DOK5: variants seen among roughly 807,000 people sequenced by gnomAD.
DOK5 encodes downstream of tyrosine kinase 5.
In DOK5, 27 loss-of-function variants were observed where a neutral mutation model predicts 43.3. The ratio of observed to expected loss-of-function variants is 0.62; its 90% CI spans 0.46 to 0.86. The LOEUF (loss-of-function observed/expected upper bound fraction) is 0.86, where lower values mean the gene tolerates loss of function less well. DOK5 is among the 40% of genes least tolerant of loss of function. DOK5 has a pLI of 0.00. For synonymous variants in DOK5, 146 were observed against 140.1 expected (o/e 1.04, Z -0.30); for missense variants, 373 against 392.9 (o/e 0.95, Z 0.43).
intron 1 of DOK5, among the ~76,000 whole-genome samples, chr20:54,514,989 T>C (rs1347485453): frequency 1.3e-5 from 2 of 152,010 alleles, no homozygotes; most frequent in African/African-American, 4.8e-5. Context: ...GGACCTAACT[T>C]CAGGCTCTGA....
intron 2 of DOK5, among the ~76,000 whole-genome samples, chr20:54,568,887 A>T (rs1164619505): frequency 6.6e-6 from 1 of 151,310 alleles, no homozygotes; most frequent in Non-Finnish European, 1.5e-5. Context: ...AGCCGAGTTC[A>T]CGCCACTGCA....
At chr20:54,573,168 G>T (rs1192016684) in intron 2 of DOK5, among the ~76,000 whole-genome samples, 1 of 152,144 alleles carries the variant, frequency 6.6e-6, no homozygotes, top group Non-Finnish European at 1.5e-5. Flanking sequence ...GCAGTTTTAA[G>T]CAGAATAATC....
At position 54,542,107 on chromosome 20, in the gene DOK5, C is replaced by CACACACACAG. The variant is rs1568774860; in HGVS notation, c.67-12817_67-12816insGACACACACA. On this transcript the variant is annotated intron_variant, in intron 1 of 7. Transcript: ENST00000262593. ...TGAGACATATTATAAGATACACACA[C>CACACACACAG]ACACACACACACACACACACACACA... Among the ~76,000 whole-genome samples the CACACACACAG allele has an allele frequency of 5.0e-3, 536 of 108,060 alleles. 6 individuals are homozygous for CACACACACAG. Among genetic ancestry groups the CACACACACAG allele is most frequent in the African/African-American group, 0.037 (515 of 13,952 alleles). 70.9% of individuals were successfully genotyped at this position (108,060 alleles called of 152,430 possible).
At chr20:54,646,256 T>TTG (rs1979419161) in intron 7 of DOK5, among the ~76,000 whole-genome samples, 1 of 137,312 alleles carries the variant, frequency 7.3e-6, no homozygotes, top group East Asian at 2.1e-4. Context: ...CTGTTTTTTT[T>TTG]TTTTTTTTTT....
chr20:54,568,304 T>C (rs1001166780), intron 2 of DOK5, among the ~76,000 whole-genome samples: 4 of 152,242 alleles, frequency 2.6e-5, no homozygotes, highest in Admixed American at 1.3e-4. Context: ...CTTAATAGCG[T>C]ATACCTCTAA....
chr20:54,636,910 G>A (rs746522775), intron 6 of DOK5, among the ~76,000 whole-genome samples: 1 of 152,162 alleles, frequency 6.6e-6, no homozygotes, highest in Admixed American at 6.5e-5. Context: ...AGGACTTTTG[G>A]GGGGGACAAA....
intron 2 of DOK5, among the ~76,000 whole-genome samples, chr20:54,580,390 T>C (rs1002041038): frequency 2.0e-5 from 3 of 152,280 alleles, no homozygotes; most frequent in Non-Finnish European, 2.9e-5. Flanking sequence ...AATCATATAG[T>C]AGTTCTGTTT....
At chr20:54,511,103 C>A (rs1279695409) in intron 1 of DOK5, among the ~76,000 whole-genome samples, 1 of 152,194 alleles carries the variant, frequency 6.6e-6, no homozygotes, top group East Asian at 1.9e-4. Context: ...TAGGTAGCAT[C>A]ACTTTGGAGA....
chr20:54,621,197 G>T (rs1429394472), intron 6 of DOK5, among the ~76,000 whole-genome samples: 1 of 152,224 alleles, frequency 6.6e-6, no homozygotes, highest in African/African-American at 2.4e-5. Context: ...TACCCTTTGG[G>T]AGCAAGACTA....
chr20:54,565,638 T>C (rs1985068132), intron 2 of DOK5, among the ~76,000 whole-genome samples: 2 of 152,192 alleles, frequency 1.3e-5, no homozygotes, highest in Admixed American at 1.3e-4. Context: ...TCTACATGTA[T>C]ATTTGTTTAC....
intron 6 of DOK5, among the ~76,000 whole-genome samples, chr20:54,625,820 C>T (rs577884933): frequency 8.5e-5 from 13 of 152,320 alleles, no homozygotes; most frequent in African/African-American, 3.1e-4. Flanking sequence ...AGGGAATCCC[C>T]ATTCACACAA....
intron 6 of DOK5, among the ~76,000 whole-genome samples, chr20:54,618,712 A>G (rs137994090): frequency 2.6e-3 from 388 of 152,130 alleles, no homozygotes; most frequent in Non-Finnish European, 4.6e-3. Context: ...TGTATAATAT[A>G]TCTTTTTAAA....
At chr20:54,559,247 A>G (rs943764632) in intron 2 of DOK5, among the ~76,000 whole-genome samples, 1 of 152,218 alleles carries the variant, frequency 6.6e-6, no homozygotes, top group African/African-American at 2.4e-5. Flanking sequence ...AAGGAAGACC[A>G]TTGACCGCTT....
intron 1 of DOK5, among the ~76,000 whole-genome samples, chr20:54,483,696 C>T (rs979358372): frequency 3.3e-5 from 5 of 151,932 alleles, no homozygotes; most frequent in African/African-American, 7.3e-5. Context: ...TATGGTGCGA[C>T]CCCCCCGTTC....
intron 6 of DOK5, among the ~76,000 whole-genome samples, chr20:54,632,524 C>T (rs536676837): frequency 7.2e-5 from 11 of 152,124 alleles, no homozygotes; most frequent in African/African-American, 1.2e-4. Context: ...AGCTGCAAAG[C>T]GAGAACTATT....
intron 1 of DOK5, among the ~76,000 whole-genome samples, chr20:54,521,431 C>T (rs1286550193): frequency 6.6e-6 from 1 of 152,086 alleles, no homozygotes; most frequent in Non-Finnish European, 1.5e-5. Flanking sequence ...TTCCCATTCT[C>T]AGGTTTCATA....
intron 6 of DOK5, among the ~76,000 whole-genome samples, chr20:54,612,581 AG>A (rs756376155): frequency 1.3e-5 from 2 of 151,636 alleles, no homozygotes; most frequent in African/African-American, 4.8e-5. Context: ...GAACAAAAGG[AG>A]GGTAAGAGAG....
At chr20:54,505,052 A>C (rs2146681790) in intron 1 of DOK5, among the ~76,000 whole-genome samples, 1 of 152,030 alleles carries the variant, frequency 6.6e-6, no homozygotes, top group Middle Eastern at 3.4e-3. Context: ...GATCCCCTCC[A>C]TCCTTGAATC....
At chr20:54,624,734 C>T (rs1987084587) in intron 6 of DOK5, among the ~76,000 whole-genome samples, 1 of 152,194 alleles carries the variant, frequency 6.6e-6, no homozygotes, top group African/African-American at 2.4e-5. Context: ...ATGCATGTGG[C>T]TGAGAATTCA....
Sources: allele counts gnomAD v4.1 joint callset (sites outside exome capture counted in the v4.1 genomes callset), GRCh38; gene constraint gnomAD v4.1.1; transcripts MANE v1.5; gene names NCBI Gene and HGNC (gene_info 2026-07-23, HGNC 2026-07-21).